PCM1: variants seen among roughly 807,000 people sequenced by gnomAD.
PCM1 encodes the protein pericentriolar material 1.
Under a neutral mutation model 241.9 loss-of-function variants are expected in PCM1, and 157 were observed. That is an observed-to-expected ratio of 0.65 (90% CI 0.57 to 0.74). The LOEUF (loss-of-function observed/expected upper bound fraction) is 0.74, where lower values mean the gene tolerates loss of function less well. Among genes scored for constraint, PCM1 ranks in the 30% least tolerant of loss-of-function variants. The pLI is 0.00. For missense variants in PCM1, 3,478 were observed against 2,360.1 expected (o/e 1.47, Z -9.81); for synonymous variants, 1,085 against 784.9 (o/e 1.38, Z -6.39).
intron 2 of PCM1, among the ~76,000 whole-genome samples, chr8:17,932,367 G>C (rs1462178317): frequency 2.0e-5 from 3 of 152,100 alleles, no homozygotes; most frequent in Non-Finnish European, 4.4e-5. Flanking sequence ...ATGCTTTCCA[G>C]AAATGTTATA....
rs373851871 is a variant in PCM1 at position 17,967,117 on chromosome 8, C to G, written c.3359C>G (p.Pro1120Arg). 3.7e-5 allele frequency: 60 copies of G among 1,606,378 alleles called. No individual in the cohort carries two copies. The African/African-American group carries it at 7.2e-4, about 19-fold the overall frequency. The change falls in exon 21 of 39, where the codon CCT becomes CGT. Residue 1120 changes from proline to arginine, a missense_variant. Physicochemically the swap from Pro to Arg is moderately radical, Grantham distance 103. Transcript: ENST00000325083. ...TGTCCTTTCAGCTTTCCAACACAGCCTGTAAATCTCTTCAATATACCTGGA... is the reference window on the plus strand; with the variant it reads ...TGTCCTTTCAGCTTTCCAACACAGCGTGTAAATCTCTTCAATATACCTGGA... The part of the protein sequence containing the change: ...LFCPFSFPTQ[P>R]VNLFNIPGFT...
intron 18 of PCM1, among the ~76,000 whole-genome samples, chr8:17,965,771 CTG>C (rs1438801136): frequency 6.6e-6 from 1 of 152,190 alleles, no homozygotes; most frequent in East Asian, 1.9e-4. Context: ...TATATGGACA[CTG>C]CTGTGTAAAA....
At position 18,017,416 on chromosome 8, in the gene PCM1, T is replaced by A. The variant is rs77761460; in HGVS notation, c.5841+2576T>A. Among the ~76,000 whole-genome samples, 1,132 of 152,336 alleles carry A rather than the reference T, an allele frequency of 7.4e-3. 9 individuals carry two copies. The highest frequency in any genetic ancestry group is 0.026 in the African/African-American group (1,084 of 41,578). Reference sequence around the variant, plus strand: ...ACTGATATGGCTATATTAGTCACCATAGCTGAACATTTTGAGAGAACATTA... The same window carrying A: ...ACTGATATGGCTATATTAGTCACCAAAGCTGAACATTTTGAGAGAACATTA... On this transcript the variant is annotated intron_variant, in intron 36 of 38. Transcript: ENST00000325083.
At position 17,950,742 on chromosome 8, in the gene PCM1, G is replaced by T; in HGVS notation, c.1071+18G>T. On this transcript the variant is annotated intron_variant, in intron 8 of 38. Transcript: ENST00000325083. ...ATTCTCAGGTAACCTAGATGTTTTA[G>T]TATAGTTGAGTTTAAAAAATCACAT... The T allele has an allele frequency of 2.3e-6, 3 of 1,318,466 alleles. No individual in the cohort carries two copies. Among genetic ancestry groups the T allele is most frequent in the Non-Finnish European group, 3.2e-6 (3 of 930,610 alleles). The allele number at this position is 1,318,466 out of a possible 1,614,324, so 81.7% of individuals were successfully genotyped here. A position where few individuals can be genotyped will look rare whatever the true frequency, so the allele number is the denominator to read the frequency against.
chr8:17,993,322 T>C (rs2085447639), intron 28 of PCM1, among the ~76,000 whole-genome samples, 161 bp from the exon 29 acceptor site: 1 of 152,180 alleles, frequency 6.6e-6, no homozygotes, highest in South Asian at 2.1e-4. Context: ...TTATTACTAC[T>C]TTATTTTAAT....
At chr8:17,924,206 A>T (rs962305894) in intron 1 of PCM1, among the ~76,000 whole-genome samples, 1 of 152,032 alleles carries the variant, frequency 6.6e-6, no homozygotes. Context: ...TTCTTTCCCT[A>T]GCACCTTCCT....
intron 34 of PCM1, among the ~76,000 whole-genome samples, chr8:18,012,931 T>C (rs569345615): frequency 3.9e-5 from 6 of 152,210 alleles, no homozygotes; most frequent in Non-Finnish European, 8.8e-5. Flanking sequence ...TGCCCTGTTA[T>C]TTCACAGAAG....
At chr8:18,019,514 C>A (rs905706935) in intron 36 of PCM1, among the ~76,000 whole-genome samples, 1 of 152,018 alleles carries the variant, frequency 6.6e-6, no homozygotes, top group Non-Finnish European at 1.5e-5. Flanking sequence ...AGTGGGAGAC[C>A]TGAGCTTGTC....
chr8:17,930,211 C>G (rs1232030460), intron 2 of PCM1, among the ~76,000 whole-genome samples: 1 of 148,774 alleles, frequency 6.7e-6, no homozygotes, highest in Non-Finnish European at 1.5e-5. Flanking sequence ...TCACACCATT[C>G]TGCCTCAGCC....
At chr8:17,954,958 T>C (rs2067522646) in intron 9 of PCM1, among the ~76,000 whole-genome samples, 1 of 152,146 alleles carries the variant, frequency 6.6e-6, no homozygotes, top group Admixed American at 6.5e-5. Flanking sequence ...AGTTCCTTCT[T>C]GGTGTCCAGA....
chr8:17,944,347 C>A (rs904702394), intron 6 of PCM1, among the ~76,000 whole-genome samples: 4 of 152,102 alleles, frequency 2.6e-5, no homozygotes, highest in Non-Finnish European at 4.4e-5. Context: ...ACTTTATCTT[C>A]TCTAGGCTTA....
intron 14 of PCM1, 36 bp downstream of exon 14, chr8:17,960,201 A>C (rs138160281): frequency 6.5e-7 from 1 of 1,546,224 alleles, no homozygotes; most frequent in South Asian, 1.2e-5. Context: ...TAATATAATA[A>C]AAATTTAGTG....
chr8:17,934,402 C>G (rs1239350416), intron 2 of PCM1, among the ~76,000 whole-genome samples: 1 of 151,968 alleles, frequency 6.6e-6, no homozygotes, highest in Non-Finnish European at 1.5e-5. Context: ...GCTGGGATTA[C>G]AGGCACCTGC....
intron 18 of PCM1, 66 bp downstream of exon 18, chr8:17,964,834 G>C (rs985774982): frequency 8.4e-7 from 1 of 1,195,096 alleles, no homozygotes; most frequent in African/African-American, 1.5e-5. Flanking sequence ...CTGACAGCAA[G>C]CACTTCTGCA....
In PCM1 at chr8:18,027,575, A is replaced by G. The variant is rs2094327528; in HGVS notation, c.6050-62A>G. The G allele has an allele frequency of 1.1e-5, 13 of 1,178,624 alleles. No individual in the cohort carries two copies. The South Asian group carries it at 1.9e-4, about 17-fold the overall frequency. The allele number at this position is 1,178,624 out of a possible 1,614,324, so 73.0% of individuals were successfully genotyped here. A position where few individuals can be genotyped will look rare whatever the true frequency, so the allele number is the denominator to read the frequency against. Reference sequence around the variant, plus strand: ...AAAGTAAAAGCTTTAATGACAGAGAACAATGTTAAATTCTAGTAATTCGAT... The same window carrying G: ...AAAGTAAAAGCTTTAATGACAGAGAGCAATGTTAAATTCTAGTAATTCGAT... On this transcript the variant is annotated intron_variant, in intron 38 of 38. Transcript: ENST00000325083.
At chr8:17,978,501 A>G (rs2079531667) in intron 23 of PCM1, among the ~76,000 whole-genome samples, 1 of 152,010 alleles carries the variant, frequency 6.6e-6, no homozygotes, top group African/African-American at 2.4e-5. Context: ...ATACAAAGAA[A>G]AAGAACCAAA....
At chr8:18,005,298 T>C (rs1003034599) in intron 29 of PCM1, among the ~76,000 whole-genome samples, 2 of 151,936 alleles carry the variant, frequency 1.3e-5, no homozygotes, top group African/African-American at 4.8e-5. Context: ...TATATACGTA[T>C]CTGACTCCTG....
chr8:17,988,303 A>C (rs558200686), intron 26 of PCM1, among the ~76,000 whole-genome samples: 1 of 152,008 alleles, frequency 6.6e-6, no homozygotes, highest in East Asian at 1.9e-4. Flanking sequence ...AAGATAGGAA[A>C]CTTTAAAAAG....
intron 5 of PCM1, 137 bp from the exon 6 acceptor site, chr8:17,939,554 A>G (rs2061430915): frequency 2.2e-6 from 1 of 460,514 alleles, no homozygotes; most frequent in Non-Finnish European, 3.7e-6. Flanking sequence ...GCATGTGTTA[A>G]TTCACACAAT....
Sources: gnomAD v4.1 joint callset for allele counts (sites outside exome capture counted in the v4.1 genomes callset) on GRCh38, gnomAD v4.1.1 for gene constraint, MANE v1.5 for transcripts, NCBI Gene and HGNC (gene_info 2026-07-23, HGNC 2026-07-21) for gene names.